Variants in LSAMP observed in about 807,000 individuals in gnomAD.
The protein encoded by LSAMP is limbic system associated membrane protein.
Under a neutral mutation model 38.6 loss-of-function variants are expected in LSAMP, and 7 were observed. The observed-to-expected ratio is 0.18, with a 90% CI of 0.10 to 0.34. The LOEUF is 0.34. Among genes scored for constraint, LSAMP ranks in the 10% least tolerant of loss-of-function variants. The probability of loss-of-function intolerance (pLI) is 1.00; values close to 1 mark genes in which losing one functional copy is unlikely to be tolerated. For missense variants in LSAMP, 313 were observed against 420.0 expected, an observed-to-expected ratio of 0.75 and a Z score of 2.23; for synonymous variants, 154 against 166.8, an observed-to-expected ratio of 0.92 and a Z score of 0.59.
intron 1 of LSAMP, among the ~76,000 whole-genome samples, chr3:116,380,295 T>C (rs1420475748): frequency 2.0e-5 from 3 of 152,090 alleles, no homozygotes; most frequent in Non-Finnish European, 2.9e-5. Context: ...TATGTCAAAA[T>C]AGAATTATAG....
At chr3:115,939,814 C>T (rs925460047) in intron 3 of LSAMP, among the ~76,000 whole-genome samples, 2 of 152,146 alleles carry the variant, frequency 1.3e-5, no homozygotes, top group Admixed American at 6.6e-5. Flanking sequence ...CCTGCTCCTC[C>T]TCTCAAAGCA....
chr3:115,866,866 CA>C (rs747362068), intron 3 of LSAMP, among the ~76,000 whole-genome samples: 1 of 151,958 alleles, frequency 6.6e-6, no homozygotes, highest in Non-Finnish European at 1.5e-5. Flanking sequence ...AATATTAATG[CA>C]AGTGGTTATA....
chr3:116,212,491 T>C (rs1190594082), intron 1 of LSAMP, among the ~76,000 whole-genome samples: 1 of 152,148 alleles, frequency 6.6e-6, no homozygotes, highest in Admixed American at 6.5e-5. Flanking sequence ...ATTTCACTTT[T>C]ACCATTTACC....
chr3:116,042,462 G>C (rs1327153483), intron 2 of LSAMP, among the ~76,000 whole-genome samples: 1 of 133,136 alleles, frequency 7.5e-6, no homozygotes, highest in Non-Finnish European at 1.6e-5. Context: ...ACAGTGTCTT[G>C]CTCTGTTGCC....
At chr3:116,170,537 C>G (rs1710171053) in intron 1 of LSAMP, among the ~76,000 whole-genome samples, 1 of 152,100 alleles carries the variant, frequency 6.6e-6, no homozygotes, top group African/African-American at 2.4e-5. Context: ...TGTTTAAGAA[C>G]ATGTGTTATA....
At chr3:116,260,141 A>C (rs950428777) in intron 1 of LSAMP, among the ~76,000 whole-genome samples, 1 of 152,116 alleles carries the variant, frequency 6.6e-6, no homozygotes, top group Non-Finnish European at 1.5e-5. Context: ...TCTTTTTCTA[A>C]GGAAAGGAAT....
intron 1 of LSAMP, among the ~76,000 whole-genome samples, chr3:116,198,780 A>AAAAAAAAAAAAAAG (rs1413584973): frequency 6.8e-6 from 1 of 147,474 alleles, no homozygotes; most frequent in African/African-American, 2.5e-5. Flanking sequence ...CAGAAAAAAA[A>AAAAAAAAAAAAAAG]AGAAAATCAG....
intron 3 of LSAMP, among the ~76,000 whole-genome samples, chr3:115,904,782 T>C (rs542509104): frequency 6.6e-6 from 1 of 152,270 alleles, no homozygotes; most frequent in South Asian, 2.1e-4. Context: ...TCCAACCTCG[T>C]AATTTACCAC....
At chr3:116,217,001 C>T (rs994106357) in intron 1 of LSAMP, among the ~76,000 whole-genome samples, 1 of 152,144 alleles carries the variant, frequency 6.6e-6, no homozygotes, top group Non-Finnish European at 1.5e-5. Context: ...TAAGCTTATT[C>T]CAAACACCCA....
chr3:115,915,787 C>T (rs940805161), intron 3 of LSAMP, among the ~76,000 whole-genome samples: 1 of 152,112 alleles, frequency 6.6e-6, no homozygotes, highest in African/African-American at 2.4e-5. Context: ...CACGCACCAC[C>T]ACGCCCGGCT....
intron 1 of LSAMP, among the ~76,000 whole-genome samples, chr3:116,180,341 T>C (rs532220548): frequency 6.6e-6 from 1 of 151,318 alleles, no homozygotes; most frequent in East Asian, 2.0e-4. Flanking sequence ...TACCTGAATG[T>C]GGAGTTAGGA....
At chr3:115,998,650 A>G (rs753273838) in intron 3 of LSAMP, among the ~76,000 whole-genome samples, 21 of 152,180 alleles carry the variant, frequency 1.4e-4, no homozygotes, top group Non-Finnish European at 2.5e-4. Context: ...TAAGATCACC[A>G]GGTGACTGAT....
chr3:115,859,365 A>ATC (rs1935603850), intron 3 of LSAMP, among the ~76,000 whole-genome samples: 1 of 152,228 alleles, frequency 6.6e-6, no homozygotes. Flanking sequence ...AAACAAAAAC[A>ATC]AAAACAAAAA....
chr3:116,225,108 G>C (rs2046328343), intron 1 of LSAMP, among the ~76,000 whole-genome samples: 1 of 152,112 alleles, frequency 6.6e-6, no homozygotes, highest in African/African-American at 2.4e-5. Flanking sequence ...AGATTCACTA[G>C]TGGCCCCCAC....
At chr3:115,985,775 A>T (rs1178445273) in intron 3 of LSAMP, among the ~76,000 whole-genome samples, 2 of 152,126 alleles carry the variant, frequency 1.3e-5, no homozygotes, top group Non-Finnish European at 2.9e-5. Flanking sequence ...ATCTACAACC[A>T]TGTAGGTGAA....
intron 2 of LSAMP, among the ~76,000 whole-genome samples, chr3:116,079,857 C>T (rs548576833): frequency 4.6e-5 from 7 of 151,950 alleles, no homozygotes; most frequent in African/African-American, 1.7e-4. Flanking sequence ...TTTTTAAATA[C>T]ATAAATTCAA....
At chr3:116,006,051 A>G (rs1006771015) in intron 3 of LSAMP, among the ~76,000 whole-genome samples, 1 of 152,208 alleles carries the variant, frequency 6.6e-6, no homozygotes, top group African/African-American at 2.4e-5. Context: ...AGAAGTCCTG[A>G]TGATCAGCAT....
chr3:115,912,867 AC>A (rs1239433699), intron 3 of LSAMP, among the ~76,000 whole-genome samples: 5 of 152,102 alleles, frequency 3.3e-5, no homozygotes, highest in Admixed American at 2.6e-4. Context: ...CAAAAAGAAC[AC>A]CCAGGGAACT....
At chr3:116,209,928 G>A (rs988054281) in intron 1 of LSAMP, among the ~76,000 whole-genome samples, 5 of 151,692 alleles carry the variant, frequency 3.3e-5, no homozygotes, top group Admixed American at 1.3e-4. Context: ...ATTTTTTTTT[G>A]TATATTTAGT....
Sources: allele counts gnomAD v4.1 joint callset (sites outside exome capture counted in the v4.1 genomes callset), GRCh38; gene constraint gnomAD v4.1.1; transcripts MANE v1.5; gene names NCBI Gene and HGNC (gene_info 2026-07-23, HGNC 2026-07-21).